SV2C: variants seen among roughly 807,000 people sequenced by gnomAD.
SV2C encodes the protein synaptic vesicle glycoprotein 2C, also known as solute carrier family 22 member B3.
A neutral mutation model predicts 79.7 loss-of-function variants in SV2C; 49 were observed. The observed-to-expected ratio is 0.61, with a 90% CI of 0.49 to 0.78. The LOEUF is 0.78. SV2C is among the 30% of genes least tolerant of loss of function. The pLI, the probability that SV2C is intolerant of heterozygous loss-of-function variation, is 0.00. For missense variants in SV2C, 833 were observed against 912.9 expected, an observed-to-expected ratio of 0.91 and a Z score of 1.13; for synonymous variants, 334 against 333.2, an observed-to-expected ratio of 1.00 and a Z score of -0.03.
chr5:75,928,723 CTG>C, the SV2C span, among the ~76,000 whole-genome samples: 1 of 152,142 alleles, frequency 6.6e-6, no homozygotes, highest in Non-Finnish European at 1.5e-5. Flanking sequence ...CTTACTGTCT[CTG>C]TGTCATCCCT....
chr5:76,276,613 C>CTACA (rs1747029419), intron 4 of SV2C, among the ~76,000 whole-genome samples: 1 of 151,430 alleles, frequency 6.6e-6, no homozygotes, highest in African/African-American at 2.4e-5. Flanking sequence ...CAGGCATGAG[C>CTACA]TACAGTACCT....
At chr5:76,159,573 C>T (rs1348813524) in intron 2 of SV2C, among the ~76,000 whole-genome samples, 1 of 152,040 alleles carries the variant, frequency 6.6e-6, no homozygotes, top group Admixed American at 6.6e-5. Context: ...GAGTAGAATC[C>T]TTCCTTTCCT....
chr5:76,043,462 A>T, the SV2C span, among the ~76,000 whole-genome samples: 6 of 152,214 alleles, frequency 3.9e-5, no homozygotes, highest in African/African-American at 1.4e-4. Context: ...CCCAGATTCA[A>T]GTTTAGGCTG....
intron 1 of SV2C, among the ~76,000 whole-genome samples, chr5:76,115,966 G>A (rs1336807972): frequency 1.3e-5 from 2 of 152,140 alleles, no homozygotes; most frequent in African/African-American, 4.8e-5. Flanking sequence ...GAGCCTCTGG[G>A]GAGCAGCATG....
intron 4 of SV2C, among the ~76,000 whole-genome samples, chr5:76,270,792 A>G (rs180895645): frequency 0.011 from 1,638 of 151,254 alleles, 30 homozygotes; most frequent in African/African-American, 0.037. Flanking sequence ...TTTTTGAGAC[A>G]GGGTCTCACT....
intron 1 of SV2C, among the ~76,000 whole-genome samples, chr5:76,114,426 G>T (rs2112146626): frequency 6.6e-6 from 1 of 152,288 alleles, no homozygotes; most frequent in East Asian, 1.9e-4. Context: ...AGCCAGTAAA[G>T]GGAGAACAGT....
chr5:75,854,028 T>C, the SV2C span, among the ~76,000 whole-genome samples: 1 of 151,900 alleles, frequency 6.6e-6, no homozygotes, highest in African/African-American at 2.4e-5. Context: ...CTTGTTCCTT[T>C]GGAGTCAGTC....
At chr5:76,337,300 C>T (rs1340633462), downstream of SV2C, among the ~76,000 whole-genome samples, 1 of 152,058 alleles carries the variant, frequency 6.6e-6, no homozygotes. Context: ...CCTAATTTCC[C>T]TTTCTTATAA....
At chr5:76,107,124 A>G (rs1343522234) in intron 1 of SV2C, among the ~76,000 whole-genome samples, 2 of 152,258 alleles carry the variant, frequency 1.3e-5, no homozygotes, top group African/African-American at 4.8e-5. Flanking sequence ...CAAATAATCC[A>G]ATGGCAAAAT....
chr5:76,249,406 T>G (rs983730333), intron 4 of SV2C, among the ~76,000 whole-genome samples: 5 of 152,188 alleles, frequency 3.3e-5, no homozygotes, highest in African/African-American at 1.2e-4. Flanking sequence ...AGTCACAAAG[T>G]TTAAAAAAAG....
At chr5:76,286,645 T>C (rs935783446) in intron 6 of SV2C, 3 of 152,216 alleles carry the variant, frequency 2.0e-5, no homozygotes, top group Non-Finnish European at 4.4e-5. Context: ...ATTTTCATGC[T>C]GCTAATAAAG....
the SV2C span, among the ~76,000 whole-genome samples, chr5:75,934,858 G>A: frequency 6.6e-6 from 1 of 151,452 alleles, no homozygotes; most frequent in Non-Finnish European, 1.5e-5. Context: ...CTGATATCAT[G>A]GGCAAGAGCA....
At chr5:75,895,146 A>G in the SV2C span, among the ~76,000 whole-genome samples, 35,744 of 152,086 alleles carry the variant, frequency 0.24, 7,718 homozygotes, top group African/African-American at 0.58. Flanking sequence ...ACAAACAGCA[A>G]CAACAGCAGC....
the SV2C span, among the ~76,000 whole-genome samples, chr5:75,944,603 G>A: frequency 6.6e-6 from 1 of 152,118 alleles, no homozygotes; most frequent in Non-Finnish European, 1.5e-5. Context: ...ACAACCTATA[G>A]TGGAGAAGGG....
At chr5:76,068,632 T>C in the SV2C span, among the ~76,000 whole-genome samples, 2 of 152,194 alleles carry the variant, frequency 1.3e-5, no homozygotes, top group Admixed American at 6.5e-5. Context: ...AGCAATTATC[T>C]GATCTAAAAA....
the SV2C span, among the ~76,000 whole-genome samples, chr5:75,888,016 C>T: frequency 6.6e-6 from 1 of 152,116 alleles, no homozygotes; most frequent in Non-Finnish European, 1.5e-5. Flanking sequence ...ACATCAATTT[C>T]CTGCTTAAAA....
At chr5:76,335,735 G>A (rs1468871811), downstream of SV2C, among the ~76,000 whole-genome samples, 1 of 152,096 alleles carries the variant, frequency 6.6e-6, no homozygotes, top group Non-Finnish European at 1.5e-5. Flanking sequence ...CACAGGGTTG[G>A]GGGTAGGGTC....
At chr5:76,241,179 T>C (rs1022329657) in intron 4 of SV2C, among the ~76,000 whole-genome samples, 7 of 125,986 alleles carry the variant, frequency 5.6e-5, no homozygotes, top group Admixed American at 8.1e-5. Flanking sequence ...ATGGTCTCAA[T>C]CTCTTTTTTT....
chr5:75,980,017 G>T, the SV2C span, among the ~76,000 whole-genome samples: 1 of 151,986 alleles, frequency 6.6e-6, no homozygotes, highest in Non-Finnish European at 1.5e-5. Flanking sequence ...AAATAAACAC[G>T]ATCAATATGA....
Sources: allele counts gnomAD v4.1 joint callset (sites outside exome capture counted in the v4.1 genomes callset), GRCh38; gene constraint gnomAD v4.1.1; transcripts MANE v1.5; gene names NCBI Gene and HGNC (gene_info 2026-07-23, HGNC 2026-07-21).